The following SLC24A2 variants were observed in gnomAD, a reference collection of about 807,000 sequenced individuals.
The protein encoded by SLC24A2 is solute carrier family 24 member 2.
A neutral mutation model predicts 62.0 loss-of-function variants in SLC24A2; 36 were observed. That is an observed-to-expected ratio of 0.58 (90% CI 0.44 to 0.77). The LOEUF (loss-of-function observed/expected upper bound fraction) is 0.77, where lower values mean the gene tolerates loss of function less well. SLC24A2 is among the 30% of genes least tolerant of loss of function. The pLI is 0.00. For missense variants in SLC24A2, 846 were observed against 817.9 expected (o/e 1.03, Z -0.42); for synonymous variants, 358 against 294.0 (o/e 1.22, Z -2.23).
intron 5 of SLC24A2, among the ~76,000 whole-genome samples, chr9:19,579,375 G>T (rs930912082): frequency 2.0e-5 from 3 of 152,192 alleles, no homozygotes; most frequent in Admixed American, 2.0e-4. Flanking sequence ...TAATAAGAGT[G>T]AGCTTGAGTA....
At chr9:20,213,721 A>T in the SLC24A2 span, among the ~76,000 whole-genome samples, 8 of 152,344 alleles carry the variant, frequency 5.3e-5, no homozygotes, top group Middle Eastern at 3.4e-3. Context: ...ATATTACCAC[A>T]ATTTGCTCAG....
At chr9:19,919,736 C>A in the SLC24A2 span, among the ~76,000 whole-genome samples, 1 of 152,146 alleles carries the variant, frequency 6.6e-6, no homozygotes, top group Non-Finnish European at 1.5e-5. Context: ...GCAAATATGT[C>A]CTTCTTCACA....
intron 2 of SLC24A2, among the ~76,000 whole-genome samples, chr9:19,747,365 T>C (rs1821862290): frequency 6.6e-6 from 1 of 152,158 alleles, no homozygotes; most frequent in African/African-American, 2.4e-5. Context: ...TATAATAGGT[T>C]TCATAAAATA....
At chr9:19,789,915 C>T (rs1007877636), upstream of SLC24A2, among the ~76,000 whole-genome samples, 2 of 152,186 alleles carry the variant, frequency 1.3e-5, no homozygotes, top group African/African-American at 4.8e-5. Context: ...AGGGTTTCTT[C>T]ATGCCCTCCT....
At chr9:19,685,814 A>G (rs761235426) in intron 2 of SLC24A2, among the ~76,000 whole-genome samples, 1 of 152,042 alleles carries the variant, frequency 6.6e-6, no homozygotes, top group Non-Finnish European at 1.5e-5. Context: ...AACTATAAAA[A>G]CTCTGGAAGA....
chr9:20,008,978 G>C, the SLC24A2 span, among the ~76,000 whole-genome samples: 2 of 152,162 alleles, frequency 1.3e-5, no homozygotes, highest in African/African-American at 2.4e-5. Context: ...GTGAGGCTGA[G>C]ACACCCCCTT....
intron 1 of SLC24A2, chr9:19,788,483 T>G (rs556952294): frequency 2.0e-6 from 2 of 984,860 alleles, no homozygotes; most frequent in African/African-American, 3.5e-5. Context: ...GTCCCAAACT[T>G]TCCCTGGTGG....
intron 2 of SLC24A2, among the ~76,000 whole-genome samples, chr9:19,722,409 A>T (rs756999771): frequency 6.6e-5 from 10 of 152,158 alleles, no homozygotes; most frequent in Admixed American, 2.6e-4. Context: ...ATGACTTTCT[A>T]TATAATAACA....
At chr9:19,584,509 A>C (rs548134938) in intron 5 of SLC24A2, among the ~76,000 whole-genome samples, 10 of 152,302 alleles carry the variant, frequency 6.6e-5, no homozygotes, top group Non-Finnish European at 1.5e-4. Context: ...TTCCTCCACA[A>C]GAGATGCCAC....
the SLC24A2 span, among the ~76,000 whole-genome samples, chr9:20,204,074 G>T: frequency 6.6e-6 from 1 of 152,044 alleles, no homozygotes; most frequent in East Asian, 1.9e-4. Flanking sequence ...TAAAGATAAA[G>T]GACTAAATAT....
At chr9:19,941,347 G>T in the SLC24A2 span, among the ~76,000 whole-genome samples, 19 of 152,156 alleles carry the variant, frequency 1.2e-4, 1 homozygote, top group Non-Finnish European at 1.5e-5. Context: ...TAGTGTTGAT[G>T]AGCTGACTCC....
the SLC24A2 span, among the ~76,000 whole-genome samples, chr9:20,125,255 G>C: frequency 6.6e-6 from 1 of 152,014 alleles, no homozygotes; most frequent in African/African-American, 2.4e-5. Context: ...TCAATTTTTA[G>C]AACTCCTATT....
the SLC24A2 span, among the ~76,000 whole-genome samples, chr9:19,968,206 A>C: frequency 3.4e-4 from 52 of 152,206 alleles, no homozygotes; most frequent in African/African-American, 1.2e-3. Flanking sequence ...TGTTATGCTA[A>C]CTCTGCTTTC....
chr9:19,873,947 G>C, the SLC24A2 span, among the ~76,000 whole-genome samples: 1 of 152,014 alleles, frequency 6.6e-6, no homozygotes, highest in East Asian at 1.9e-4. Flanking sequence ...TGTTTCTCTA[G>C]ATCAGCAATT....
chr9:20,066,770 C>G, the SLC24A2 span, among the ~76,000 whole-genome samples: 1 of 152,188 alleles, frequency 6.6e-6, no homozygotes, highest in Admixed American at 6.5e-5. Context: ...CACTCACTCA[C>G]TACCTCCCCT....
chr9:19,990,922 G>GATATATATATATATATATATATACATAT, the SLC24A2 span, among the ~76,000 whole-genome samples: 13 of 120,812 alleles, frequency 1.1e-4, no homozygotes, highest in African/African-American at 4.4e-4. Context: ...GGACTAATAG[G>GATATATATATATATATATATATACATAT]ATATATATAT....
the SLC24A2 span, among the ~76,000 whole-genome samples, chr9:20,174,416 C>G: frequency 6.6e-6 from 1 of 151,922 alleles, no homozygotes; most frequent in Non-Finnish European, 1.5e-5. Flanking sequence ...AGTAAACAGA[C>G]AACCCACAGA....
At chr9:20,042,364 G>A in the SLC24A2 span, among the ~76,000 whole-genome samples, 1 of 152,294 alleles carries the variant, frequency 6.6e-6, no homozygotes, top group Non-Finnish European at 1.5e-5. Flanking sequence ...AAAGCATCAA[G>A]GATTTCATTT....
intron 2 of SLC24A2, among the ~76,000 whole-genome samples, chr9:19,682,016 C>T (rs1390539792): frequency 6.6e-6 from 1 of 152,124 alleles, no homozygotes; most frequent in Admixed American, 6.6e-5. Context: ...ATCGTCCTTT[C>T]TTCTGTCCAA....
Sources: gnomAD v4.1 joint callset for allele counts (sites outside exome capture counted in the v4.1 genomes callset) on GRCh38, gnomAD v4.1.1 for gene constraint, MANE v1.5 for transcripts, NCBI Gene and HGNC (gene_info 2026-07-23, HGNC 2026-07-21) for gene names.